The following GRM5 variants were observed in gnomAD, a reference collection of about 807,000 sequenced individuals.
GRM5 encodes glutamate metabotropic receptor 5.
GRM5 carries 19 observed loss-of-function variants against 83.1 expected under a neutral mutation model. The ratio of observed to expected loss-of-function variants is 0.23; its 90% confidence interval spans 0.16 to 0.34. The LOEUF (loss-of-function observed/expected upper bound fraction) is 0.34, where lower values mean the gene tolerates loss of function less well. Among genes scored for constraint, GRM5 ranks in the 10% least tolerant of loss-of-function variants. The pLI is 1.00. For synonymous variants in GRM5, 675 were observed against 633.6 expected (o/e 1.07, Z -0.98); for missense variants, 1,160 against 1,588.3 (o/e 0.73, Z 4.58).
intron 3 of GRM5, among the ~76,000 whole-genome samples, chr11:88,838,258 G>A (rs1051688040): frequency 6.6e-6 from 1 of 152,044 alleles, no homozygotes; most frequent in Non-Finnish European, 1.5e-5. Flanking sequence ...TTATGCTCCA[G>A]GAGAGAAAAG....
intron 2 of GRM5, among the ~76,000 whole-genome samples, chr11:88,904,818 T>C (rs1011603241): frequency 1.3e-5 from 2 of 152,200 alleles, no homozygotes; most frequent in Non-Finnish European, 2.9e-5. Flanking sequence ...TGTGTACTTA[T>C]CATTGTAGGG....
chr11:88,860,992 C>T (rs536656860), intron 2 of GRM5, among the ~76,000 whole-genome samples: 4 of 151,972 alleles, frequency 2.6e-5, no homozygotes, highest in Admixed American at 6.6e-5. Flanking sequence ...TGCAAAATAT[C>T]CCATTAATAT....
intron 2 of GRM5, among the ~76,000 whole-genome samples, chr11:88,869,203 A>G (rs539118622): frequency 6.6e-6 from 1 of 151,796 alleles, no homozygotes; most frequent in South Asian, 2.1e-4. Context: ...TGGCTAAGAA[A>G]AATCCTGGAA....
chr11:88,954,698 G>A (rs941704184), intron 2 of GRM5, among the ~76,000 whole-genome samples: 4 of 152,162 alleles, frequency 2.6e-5, no homozygotes, highest in African/African-American at 9.7e-5. Context: ...CATGTGGCTA[G>A]TAGCCACTGT....
At chr11:88,579,422 T>G (rs1943180962) in intron 7 of GRM5, among the ~76,000 whole-genome samples, 1 of 152,002 alleles carries the variant, frequency 6.6e-6, no homozygotes, top group Non-Finnish European at 1.5e-5. Context: ...ACATAAACAA[T>G]ATAAAATAGT....
At chr11:89,020,381 G>A (rs1434068177) in intron 2 of GRM5, among the ~76,000 whole-genome samples, 1 of 152,196 alleles carries the variant, frequency 6.6e-6, no homozygotes, top group Non-Finnish European at 1.5e-5. Flanking sequence ...ACATTCTTAA[G>A]CTAAGTCATC....
At chr11:88,638,069 A>C (rs1359946633) in intron 4 of GRM5, among the ~76,000 whole-genome samples, 1 of 148,956 alleles carries the variant, frequency 6.7e-6, no homozygotes, top group African/African-American at 2.5e-5. Context: ...AAAACCAAAC[A>C]CTGCGTATTC....
chr11:88,651,103 A>G (rs927067854), intron 4 of GRM5, among the ~76,000 whole-genome samples: 34 of 152,008 alleles, frequency 2.2e-4, no homozygotes, highest in Non-Finnish European at 1.2e-4. Flanking sequence ...CACATGAGAG[A>G]TAGAGAGCTA....
At chr11:88,755,650 T>A (rs1942380760) in intron 3 of GRM5, among the ~76,000 whole-genome samples, 1 of 152,152 alleles carries the variant, frequency 6.6e-6, no homozygotes, top group African/African-American at 2.4e-5. Flanking sequence ...AGTTTTTGAG[T>A]TAGAGACACA....
At chr11:88,641,892 A>G (rs1042046730) in intron 4 of GRM5, among the ~76,000 whole-genome samples, 16 of 152,182 alleles carry the variant, frequency 1.1e-4, no homozygotes, top group Admixed American at 8.5e-4. Context: ...GAAAGTTGCC[A>G]GTGGATCTAC....
At chr11:88,708,802 C>G (rs1384765135) in intron 3 of GRM5, among the ~76,000 whole-genome samples, 1 of 151,980 alleles carries the variant, frequency 6.6e-6, no homozygotes, top group Non-Finnish European at 1.5e-5. Context: ...TATCTGAATA[C>G]TCTAGAGATA....
At chr11:89,054,451 C>T (rs1447756227) in intron 1 of GRM5, among the ~76,000 whole-genome samples, 2 of 152,044 alleles carry the variant, frequency 1.3e-5, no homozygotes, top group Non-Finnish European at 2.9e-5. Context: ...ACTAGAAACT[C>T]AAGAAGAGAT....
At chr11:88,697,514 C>T (rs1940931180) in intron 3 of GRM5, among the ~76,000 whole-genome samples, 1 of 152,122 alleles carries the variant, frequency 6.6e-6, no homozygotes, top group Non-Finnish European at 1.5e-5. Context: ...CTTTATCTTC[C>T]AAGTTTGTTT....
intron 3 of GRM5, among the ~76,000 whole-genome samples, chr11:88,743,806 G>A (rs931074223): frequency 6.6e-6 from 1 of 152,112 alleles, no homozygotes; most frequent in African/African-American, 2.4e-5. Flanking sequence ...ATGGCATATT[G>A]TAGCCCCATA....
At chr11:88,937,713 C>T (rs1937946796) in intron 2 of GRM5, among the ~76,000 whole-genome samples, 1 of 151,468 alleles carries the variant, frequency 6.6e-6, no homozygotes, top group African/African-American at 2.4e-5. Context: ...ATTTTATAGA[C>T]AAATTTTAAA....
At chr11:88,750,781 C>A (rs1321169804) in intron 3 of GRM5, among the ~76,000 whole-genome samples, 4 of 151,992 alleles carry the variant, frequency 2.6e-5, no homozygotes, top group Non-Finnish European at 5.9e-5. Flanking sequence ...CACTGAAAAC[C>A]ACACACCTAC....
chr11:88,987,178 G>C (rs1207068123), intron 2 of GRM5, among the ~76,000 whole-genome samples: 1 of 152,138 alleles, frequency 6.6e-6, no homozygotes, highest in African/African-American at 2.4e-5. Context: ...GAAGCAGGGT[G>C]AGGCATTGCC....
At chr11:88,707,633 G>A (rs1380985614) in intron 3 of GRM5, among the ~76,000 whole-genome samples, 2 of 152,124 alleles carry the variant, frequency 1.3e-5, no homozygotes, top group East Asian at 1.9e-4. Context: ...AGGGGCTTGA[G>A]CATCTGTGGA....
At chr11:88,572,225 A>G (rs920066316) in intron 7 of GRM5, among the ~76,000 whole-genome samples, 9 of 152,234 alleles carry the variant, frequency 5.9e-5, no homozygotes, top group African/African-American at 1.9e-4. Flanking sequence ...AGACATGGAA[A>G]TAAACACAAC....
Sources: gnomAD v4.1 joint callset for allele counts (sites outside exome capture counted in the v4.1 genomes callset) on GRCh38, gnomAD v4.1.1 for gene constraint, MANE v1.5 for transcripts, NCBI Gene and HGNC (gene_info 2026-07-23, HGNC 2026-07-21) for gene names.